The following CDH8 variants were observed in gnomAD, a reference collection of about 807,000 sequenced individuals.
CDH8 encodes cadherin 8.
A neutral mutation model predicts 68.1 loss-of-function variants in CDH8; 17 were observed. That is an observed-to-expected ratio of 0.25 (90% CI 0.17 to 0.37). CDH8 has a LOEUF of 0.37. CDH8 is among the 10% of genes least tolerant of loss of function. The pLI is 1.00. For synonymous variants in CDH8, 372 were observed against 365.1 expected (o/e 1.02, Z -0.21); for missense variants, 763 against 999.3 (o/e 0.76, Z 3.19).
chr16:61,763,904 C>G (rs1401163426), intron 8 of CDH8, among the ~76,000 whole-genome samples: 1 of 151,988 alleles, frequency 6.6e-6, no homozygotes, highest in Non-Finnish European at 1.5e-5. Context: ...GCTAATGGAG[C>G]AAGGCATACA....
intron 4 of CDH8, among the ~76,000 whole-genome samples, chr16:61,840,473 C>T (rs547696111): frequency 6.6e-6 from 1 of 152,142 alleles, no homozygotes; most frequent in Non-Finnish European, 1.5e-5. Context: ...TTGATGCTTA[C>T]CCAGCCCCTA....
At chr16:61,924,757 A>G (rs1010304296) in intron 2 of CDH8, among the ~76,000 whole-genome samples, 5 of 152,158 alleles carry the variant, frequency 3.3e-5, no homozygotes, top group Non-Finnish European at 4.4e-5. Context: ...CAATTCTAAA[A>G]TTCAACCTTC....
chr16:61,662,772 G>T (rs1769722264), intron 10 of CDH8, among the ~76,000 whole-genome samples: 1 of 151,790 alleles, frequency 6.6e-6, no homozygotes, highest in Admixed American at 6.6e-5. Flanking sequence ...TAGAGTATGT[G>T]TAAATACTAT....
chr16:61,768,761 C>A (rs752804947), intron 8 of CDH8, among the ~76,000 whole-genome samples: 1 of 151,718 alleles, frequency 6.6e-6, no homozygotes, highest in African/African-American at 2.4e-5. Flanking sequence ...AGCCAACCAA[C>A]GTTTTACAGG....
chr16:61,682,672 A>G (rs909151339), intron 10 of CDH8, among the ~76,000 whole-genome samples: 4 of 151,930 alleles, frequency 2.6e-5, no homozygotes, highest in South Asian at 2.1e-4. Flanking sequence ...TAAGAAAAAA[A>G]AAAAACATGT....
At position 61,923,276 on chromosome 16, in the gene CDH8, C is replaced by G. The variant is rs1176331344; in HGVS notation, c.253-21803G>C. 5.9e-5 allele frequency among the ~76,000 whole-genome samples: 9 copies of G among 152,250 alleles called. No individual in the cohort carries two copies. In the East Asian group the frequency reaches 1.4e-3, roughly 23 times the overall value. ...AGGCGTCTTCATTCCAAATTCAACT[C>G]CTTTCATTCCACCGTCGGTCAGACA... On this transcript the variant is annotated intron_variant, in intron 2 of 11. Transcript: ENST00000577390.
chr16:61,900,947 A>G (rs1301397287), intron 3 of CDH8, among the ~76,000 whole-genome samples: 1 of 152,258 alleles, frequency 6.6e-6, no homozygotes, highest in African/African-American at 2.4e-5. Flanking sequence ...TTATTGAAGT[A>G]TTGTCATGTA....
At chr16:61,654,289 G>C (rs1169411459) in intron 11 of CDH8, among the ~76,000 whole-genome samples, 188 bp from the exon 12 acceptor site, 1 of 152,110 alleles carries the variant, frequency 6.6e-6, no homozygotes, top group Non-Finnish European at 1.5e-5. Flanking sequence ...AGTAAATACT[G>C]TTCCAGATTA....
intron 2 of CDH8, among the ~76,000 whole-genome samples, chr16:61,984,320 A>G (rs1965591681): frequency 6.6e-6 from 1 of 152,224 alleles, no homozygotes; most frequent in South Asian, 2.1e-4. Flanking sequence ...TAGTGAAGGT[A>G]AGGCATCAAT....
intron 2 of CDH8, among the ~76,000 whole-genome samples, chr16:61,929,509 T>G (rs192731837): frequency 2.0e-4 from 31 of 152,332 alleles, no homozygotes; most frequent in Non-Finnish European, 3.7e-4. Context: ...TGACTGAGCT[T>G]ACCAGCAGTG....
intron 2 of CDH8, among the ~76,000 whole-genome samples, chr16:62,011,436 T>G (rs1303095219): frequency 6.6e-6 from 1 of 152,168 alleles, no homozygotes; most frequent in Non-Finnish European, 1.5e-5. Flanking sequence ...GGGGTTCAAA[T>G]AAAATCAACA....
chr16:61,833,191 A>G (rs1439837590), intron 4 of CDH8, among the ~76,000 whole-genome samples: 1 of 151,518 alleles, frequency 6.6e-6, no homozygotes, highest in African/African-American at 2.4e-5. Context: ...TTTATTTTCT[A>G]CATTATATAT....
At position 61,652,290 on chromosome 16, in the gene CDH8, C is replaced by G. The variant is rs762239764; in HGVS notation, c.*1318G>C. The G allele has an allele frequency of 1.0e-6, 1 of 985,060 alleles. No homozygotes were observed. The highest frequency in any genetic ancestry group is 1.2e-6 in the Non-Finnish European group (1 of 829,810). 61.0% of individuals were successfully genotyped at this position (985,060 alleles called of 1,614,324 possible). On this transcript the variant is annotated 3_prime_UTR_variant, in exon 12 of 12. Transcript: ENST00000577390. Reference sequence around the variant, plus strand: ...GGGATAGGAGTGCTAAAAACGTAAACAGTGAAATTATGTACAAATCAGTTC... The same window carrying G: ...GGGATAGGAGTGCTAAAAACGTAAAGAGTGAAATTATGTACAAATCAGTTC...
chr16:61,754,264 A>G (rs1187670815), intron 8 of CDH8, among the ~76,000 whole-genome samples: 1 of 152,180 alleles, frequency 6.6e-6, no homozygotes, highest in African/African-American at 2.4e-5. Context: ...ATTTTCCTGA[A>G]GGTTAAAATC....
chr16:61,751,403 A>C (rs965460504), intron 8 of CDH8, among the ~76,000 whole-genome samples: 2 of 149,906 alleles, frequency 1.3e-5, no homozygotes, highest in African/African-American at 2.4e-5. Context: ...AAAAAAAAAA[A>C]AAAAAAAACA....
chr16:61,768,395 C>CTCTCTCTCTCT (rs1567461337), intron 8 of CDH8, among the ~76,000 whole-genome samples: 2 of 23,440 alleles, frequency 8.5e-5, no homozygotes, highest in African/African-American at 2.3e-4. Context: ...TCTCTCTCTC[C>CTCTCTCTCTCT]CTTTCTCTCT....
chr16:61,879,617 C>G (rs1267218822), intron 3 of CDH8, among the ~76,000 whole-genome samples: 1 of 152,166 alleles, frequency 6.6e-6, no homozygotes, highest in Non-Finnish European at 1.5e-5. Flanking sequence ...TTTCAGCCCA[C>G]CTGACCTTTC....
Position 61,649,477 on chromosome 16 carries a change from T to C in CDH8, c.*4131A>G, listed in dbSNP as rs1463059591. ...AAGGATATATATATTCTTTTTAATG[T>C]TGATATTCATGTTTAAGTTGTGCAT... On this transcript the variant is annotated 3_prime_UTR_variant, in exon 12 of 12. Coordinates refer to ENST00000577390, the MANE Select transcript of CDH8 (RefSeq NM_001796.5). 6.6e-6 allele frequency: 1 copy of C among 151,628 alleles called. No individual in the cohort carries two copies. Among genetic ancestry groups the C allele is most frequent in the Non-Finnish European group, 1.5e-5 (1 of 67,902 alleles). 9.4% of individuals were successfully genotyped at this position (151,628 alleles called of 1,614,324 possible). A position where few individuals can be genotyped will look rare whatever the true frequency, so the allele number is the denominator to read the frequency against.
chr16:61,971,756 T>C (rs1484541776), intron 2 of CDH8, among the ~76,000 whole-genome samples: 3 of 152,184 alleles, frequency 2.0e-5, no homozygotes, highest in East Asian at 1.9e-4. Context: ...ACGCTAGAGC[T>C]GCATAAGAGC....
Sources: gnomAD v4.1 joint callset for allele counts (sites outside exome capture counted in the v4.1 genomes callset) on GRCh38, gnomAD v4.1.1 for gene constraint, MANE v1.5 for transcripts, NCBI Gene and HGNC (gene_info 2026-07-23, HGNC 2026-07-21) for gene names.